Variants in ADAMTSL1 observed in about 807,000 individuals in gnomAD.
The protein encoded by ADAMTSL1 is ADAMTS-like protein 1.
A neutral mutation model predicts 201.8 loss-of-function variants in ADAMTSL1; 126 were observed. The observed-to-expected ratio is 0.62, with a 90% CI of 0.54 to 0.72. The LOEUF is 0.72. Among genes scored for constraint, ADAMTSL1 ranks in the 30% least tolerant of loss-of-function variants. The pLI is 0.00. For synonymous variants in ADAMTSL1, 1,121 were observed against 903.4 expected (o/e 1.24, Z -4.32); for missense variants, 2,679 against 2,277.8 (o/e 1.18, Z -3.59).
At chr9:18,608,840 A>G (rs908493519) in intron 4 of ADAMTSL1, among the ~76,000 whole-genome samples, 1 of 152,198 alleles carries the variant, frequency 6.6e-6, no homozygotes, top group Non-Finnish European at 1.5e-5. Flanking sequence ...TTAAATTCCC[A>G]ACTTCCAGAA....
At chr9:18,001,751 G>C (rs150497056) in intron 1 of ADAMTSL1, among the ~76,000 whole-genome samples, 1 of 152,008 alleles carries the variant, frequency 6.6e-6, no homozygotes, top group Non-Finnish European at 1.5e-5. Context: ...GAGGTTGGGG[G>C]TGGAGAGCTC....
At chr9:18,784,757 G>T (rs2133795154) in intron 19 of ADAMTSL1, among the ~76,000 whole-genome samples, 1 of 152,280 alleles carries the variant, frequency 6.6e-6, no homozygotes. Context: ...ATGGGCTTCA[G>T]GTGTTCATTT....
chr9:18,696,979 A>G (rs905524946), intron 13 of ADAMTSL1, among the ~76,000 whole-genome samples: 5 of 151,480 alleles, frequency 3.3e-5, no homozygotes, highest in African/African-American at 1.2e-4. Context: ...TCCCGGGTTC[A>G]AGTCATTCTC....
At chr9:18,334,853 G>A (rs1047461245) in intron 2 of ADAMTSL1, among the ~76,000 whole-genome samples, 1 of 152,102 alleles carries the variant, frequency 6.6e-6, no homozygotes, top group African/African-American at 2.4e-5. Context: ...TTTTTGCCCA[G>A]TATCCAAGTC....
intron 4 of ADAMTSL1, among the ~76,000 whole-genome samples, chr9:18,599,124 A>C (rs1824462275): frequency 6.6e-6 from 1 of 152,200 alleles, no homozygotes; most frequent in African/African-American, 2.4e-5. Flanking sequence ...TGATGCACCC[A>C]TCCATGCAAT....
intron 1 of ADAMTSL1, among the ~76,000 whole-genome samples, chr9:17,931,966 C>T (rs1826812429): frequency 6.6e-6 from 1 of 152,140 alleles, no homozygotes; most frequent in Non-Finnish European, 1.5e-5. Context: ...AGCAAGACCG[C>T]AATGTAGAGG....
At chr9:18,132,296 A>G (rs575721853) in intron 1 of ADAMTSL1, among the ~76,000 whole-genome samples, 1 of 152,172 alleles carries the variant, frequency 6.6e-6, no homozygotes, top group East Asian at 1.9e-4. Flanking sequence ...TTTGAAATGC[A>G]TCGTGTGTAT....
intron 23 of ADAMTSL1, among the ~76,000 whole-genome samples, chr9:18,886,187 T>C (rs185024026): frequency 0.075 from 9,556 of 127,004 alleles, 678 homozygotes; most frequent in East Asian, 0.19. Context: ...TATATATATA[T>C]ATATATATAT....
chr9:18,008,640 C>G (rs1282486393), intron 1 of ADAMTSL1, among the ~76,000 whole-genome samples: 1 of 151,896 alleles, frequency 6.6e-6, no homozygotes, highest in Non-Finnish European at 1.5e-5. Flanking sequence ...CATCTCCACC[C>G]TGAACAGTGC....
In ADAMTSL1 at chr9:18,707,829, C is replaced by CAGT. The variant is rs1295816817; in HGVS notation, c.1876+784_1876+786dup. Among the ~76,000 whole-genome samples, 3 of 152,180 alleles carry CAGT rather than the reference C, an allele frequency of 2.0e-5. No homozygotes were observed. The East Asian group carries it at 5.8e-4, about 29-fold the overall frequency. On this transcript the variant is annotated intron_variant, in intron 14 of 28. Coordinates refer to ENST00000380548, the MANE Select transcript of ADAMTSL1 (RefSeq NM_001040272.6). ...CTTGGTGTATTCCATGGTGATAGAA[C>CAGT]AGTAGATTCAGTGATTCTTTCAGAT...
intron 2 of ADAMTSL1, among the ~76,000 whole-genome samples, chr9:18,436,308 G>A (rs1431241867): frequency 1.3e-5 from 2 of 152,102 alleles, no homozygotes; most frequent in African/African-American, 4.8e-5. Flanking sequence ...ACCTCTCTAT[G>A]GTCAGTGTCA....
chr9:18,682,209 G>T (rs1830545174), intron 12 of ADAMTSL1, among the ~76,000 whole-genome samples: 1 of 152,114 alleles, frequency 6.6e-6, no homozygotes, highest in African/African-American at 2.4e-5. Flanking sequence ...GTTGTTTGAG[G>T]ACTATTGCTG....
At chr9:18,731,896 T>C (rs146156339) in intron 15 of ADAMTSL1, among the ~76,000 whole-genome samples, 3 of 152,302 alleles carry the variant, frequency 2.0e-5, no homozygotes, top group South Asian at 2.1e-4. Flanking sequence ...TGAGAAGCCA[T>C]GCCTATCATC....
chr9:18,000,039 A>G (rs943526435), intron 1 of ADAMTSL1, among the ~76,000 whole-genome samples: 10 of 146,908 alleles, frequency 6.8e-5, no homozygotes, highest in Admixed American at 2.8e-4. Context: ...AGTCTTTGCT[A>G]TTGTGAATAA....
At chr9:18,216,308 T>C (rs986306045) in intron 2 of ADAMTSL1, among the ~76,000 whole-genome samples, 3 of 152,222 alleles carry the variant, frequency 2.0e-5, no homozygotes, top group African/African-American at 7.2e-5. Context: ...GGAATAAGCA[T>C]GAAGCATTGT....
chr9:18,127,480 CAA>C (rs1825783562), intron 1 of ADAMTSL1, among the ~76,000 whole-genome samples: 1 of 77,702 alleles, frequency 1.3e-5, no homozygotes, highest in African/African-American at 4.8e-5. Context: ...GGCACATACA[CAA>C]CACACACACA....
intron 2 of ADAMTSL1, among the ~76,000 whole-genome samples, chr9:18,516,371 A>G (rs1157663874): frequency 7.2e-5 from 11 of 152,188 alleles, no homozygotes; most frequent in Admixed American, 3.9e-4. Flanking sequence ...ATAAAACACT[A>G]GGTGATATTA....
intron 1 of ADAMTSL1, among the ~76,000 whole-genome samples, chr9:18,038,341 A>G (rs1420041027): frequency 1.3e-5 from 2 of 152,118 alleles, no homozygotes; most frequent in African/African-American, 4.8e-5. Flanking sequence ...TCTATACTCT[A>G]AAGCCAAAAC....
At chr9:17,952,029 G>A (rs930712752) in intron 1 of ADAMTSL1, among the ~76,000 whole-genome samples, 4 of 151,886 alleles carry the variant, frequency 2.6e-5, no homozygotes, top group African/African-American at 9.7e-5. Flanking sequence ...TTGAACTCCT[G>A]GGTCTCAAGC....
Sources: allele counts gnomAD v4.1 joint callset (sites outside exome capture counted in the v4.1 genomes callset), GRCh38; gene constraint gnomAD v4.1.1; transcripts MANE v1.5; gene names NCBI Gene and HGNC (gene_info 2026-07-23, HGNC 2026-07-21).